Variants in HEPH observed in about 807,000 individuals in gnomAD.
The protein encoded by HEPH is hephaestin.
A neutral mutation model predicts 80.8 loss-of-function variants in HEPH; 69 were observed. That is an observed-to-expected ratio of 0.85 (90% CI 0.70 to 1.04). HEPH has a LOEUF of 1.04. HEPH is among the 50% of genes least tolerant of loss of function. The pLI is 0.00. For synonymous variants in HEPH, 431 were observed against 322.8 expected, an observed-to-expected ratio of 1.34 and a Z score of -3.60; for missense variants, 1,115 against 891.3, an observed-to-expected ratio of 1.25 and a Z score of -3.20.
chrX:66,173,229 T>C (rs973468109), intron 3 of HEPH, among the ~76,000 whole-genome samples: 2 of 112,117 alleles, frequency 1.8e-5, no homozygotes, highest in African/African-American at 3.3e-5. Flanking sequence ...TGTGATTGCC[T>C]GCTTTTTTAT....
At chrX:66,181,772 C>T (rs1438223268) in intron 4 of HEPH, among the ~76,000 whole-genome samples, 1 of 65,610 alleles carries the variant, frequency 1.5e-5, no homozygotes, top group African/African-American at 5.8e-5. Flanking sequence ...GAAGTCCTTG[C>T]CCACGCCTAT....
At chrX:66,230,641 A>G (rs1202469609) in intron 15 of HEPH, among the ~76,000 whole-genome samples, 4 of 97,641 alleles carry the variant, frequency 4.1e-5, no homozygotes, top group African/African-American at 1.6e-4. Flanking sequence ...TTTTCTTGTA[A>G]ATTTGTTTGA....
In HEPH at chrX:66,260,221, A is replaced by T; in HGVS notation, c.3158A>T (p.His1053Leu). ...CACTGCCATGTGACTGACCATGTCC[A>T]TGCTGGCATGGAGACCCTCTTCACT... ...LMHCHVTDHV[H>L]AGMETLFTVF... Residue 1053 changes from histidine (H) to leucine (L), a missense_variant, in exon 19 of 21, where the codon CAT (histidine) becomes CTT (leucine). Physicochemically the swap from His to Leu is moderately conservative, Grantham distance 99. Around this residue, in one of 3 missense-constraint regions of HEPH, gnomAD observed 716 missense variants for 523.5 expected, o/e 1.37. Coordinates refer to ENST00000343002, the MANE Select transcript of HEPH (RefSeq NM_001367233.3). 8.3e-7 allele frequency: 1 copy of T among 1,209,374 alleles called. No homozygotes were observed. The highest frequency in any genetic ancestry group is 1.1e-6 in the Non-Finnish European group (1 of 893,930).
intron 15 of HEPH, among the ~76,000 whole-genome samples, chrX:66,217,969 G>A (rs909198518): frequency 9.0e-6 from 1 of 111,320 alleles, no homozygotes; most frequent in Non-Finnish European, 1.9e-5. Flanking sequence ...ATAATAAAAG[G>A]ACTAATGCAA....
At chrX:66,226,953 A>G (rs1255591181) in intron 15 of HEPH, among the ~76,000 whole-genome samples, 3 of 111,663 alleles carry the variant, frequency 2.7e-5, no homozygotes, top group African/African-American at 9.8e-5. Flanking sequence ...TGTCACCCTA[A>G]TACCAAAACC....
At chrX:66,228,944 G>C (rs900801943) in intron 15 of HEPH, among the ~76,000 whole-genome samples, 1 of 112,400 alleles carries the variant, frequency 8.9e-6, no homozygotes, top group Admixed American at 9.4e-5. Flanking sequence ...ATGTAAACTA[G>C]TACAGCCTCT....
intron 15 of HEPH, among the ~76,000 whole-genome samples, chrX:66,251,306 T>C (rs1175074362): frequency 2.7e-5 from 3 of 112,424 alleles, no homozygotes; most frequent in African/African-American, 9.7e-5. Context: ...TGAACCATTT[T>C]ACATTCCCAT....
At chrX:66,209,454 C>A (rs1220772743) in intron 15 of HEPH, among the ~76,000 whole-genome samples, 1 of 111,648 alleles carries the variant, frequency 9.0e-6, no homozygotes. Context: ...TCAGAAACTA[C>A]ACTTTGGAAA....
intron 2 of HEPH, 107 bp downstream of exon 2, chrX:66,170,844 C>T (rs960516803): frequency 1.1e-5 from 7 of 651,526 alleles, no homozygotes; most frequent in Middle Eastern, 3.4e-4. Context: ...GCAGCCAGCT[C>T]CTGATTGCTC....
At position 66,170,607 on chromosome X, in the gene HEPH, ATGCAGTCCT is replaced by A; in HGVS notation, c.40_48del (p.Gln14_Leu16del). The A allele has an allele frequency of 8.3e-7, 1 of 1,210,730 alleles. No homozygotes were observed. The highest frequency in any genetic ancestry group is 1.1e-6 in the Non-Finnish European group (1 of 895,006). Reference sequence around the variant, plus strand: ...CCACCTCCTCTGGGCTCTGCTGTTCATGCAGTCCTTGTGGCCTCAACTGACTGATGGAGC... The same window carrying A: ...CCACCTCCTCTGGGCTCTGCTGTTCATGTGGCCTCAACTGACTGATGGAGC... On this transcript the variant is annotated inframe_deletion, in exon 2 of 21. Coordinates refer to ENST00000343002, the MANE Select transcript of HEPH (RefSeq NM_001367233.3).
chrX:66,179,124 A>T (rs2147582299), intron 4 of HEPH, among the ~76,000 whole-genome samples: 1 of 112,104 alleles, frequency 8.9e-6, no homozygotes, highest in African/African-American at 3.2e-5. Flanking sequence ...ATTTTTGTAT[A>T]AGGTGTAAGG....
chrX:66,266,093 A>T (rs1346800707), intron 20 of HEPH, among the ~76,000 whole-genome samples: 1 of 109,566 alleles, frequency 9.1e-6, no homozygotes, highest in Non-Finnish European at 1.9e-5. Context: ...CTCCAATTCT[A>T]CCCTCTGAAG....
At chrX:66,187,653 G>A (rs1041022508) in intron 4 of HEPH, among the ~76,000 whole-genome samples, 8 of 110,615 alleles carry the variant, frequency 7.2e-5, no homozygotes, top group African/African-American at 3.3e-5. Context: ...GGTGTCTCCC[G>A]GGTCCTGCAG....
At chrX:66,198,679 T>C (rs910146715) in intron 10 of HEPH, among the ~76,000 whole-genome samples, 199 bp from the exon 11 acceptor site, 24 of 111,322 alleles carry the variant, frequency 2.2e-4, no homozygotes, top group African/African-American at 7.5e-4. Flanking sequence ...GCTTGTACTT[T>C]TATTGTGACA....
At chrX:66,263,557 C>T in intron 19 of HEPH, 87 bp from the exon 20 acceptor site, 1 of 1,019,970 alleles carries the variant, frequency 9.8e-7, no homozygotes, top group South Asian at 2.0e-5. Flanking sequence ...GAAATTTCTG[C>T]AACCAATGTT....
chrX:66,256,438 C>T (rs1360995172), intron 17 of HEPH, 108 bp downstream of exon 17: 14 of 537,122 alleles, frequency 2.6e-5, no homozygotes, highest in East Asian at 7.2e-5. Flanking sequence ...AGAGAGGACA[C>T]GAACATGGGA....
chrX:66,215,893 G>A (rs1461224358), intron 15 of HEPH, among the ~76,000 whole-genome samples: 2 of 111,907 alleles, frequency 1.8e-5, no homozygotes, highest in African/African-American at 3.3e-5. Context: ...AGTGCTGTTG[G>A]GGAGGCATGG....
intron 15 of HEPH, among the ~76,000 whole-genome samples, chrX:66,243,097 A>G (rs999024404): frequency 3.6e-5 from 4 of 111,934 alleles, no homozygotes; most frequent in Non-Finnish European, 7.5e-5. Flanking sequence ...GATAGCATGA[A>G]CAGTGTATTG....
In HEPH at chrX:66,265,675, A is replaced by T. The variant is rs181167627; in HGVS notation, c.3245-765A>T. Among the ~76,000 whole-genome samples the T allele has an allele frequency of 4.4e-4, 49 of 111,893 alleles. No individual in the cohort carries two copies. The Admixed American group carries it at 4.6e-3, about 10-fold the overall frequency. On this transcript the variant is annotated intron_variant, in intron 20 of 20. Transcript: ENST00000343002. ...TAAAATTTAAGGTAGGGCTAGAAAG[A>T]TAAGGAGTAAAGTGTGTTCAGACAA...
Sources: gnomAD v4.1 joint callset for allele counts (sites outside exome capture counted in the v4.1 genomes callset) on GRCh38, gnomAD v4.1.1 for gene constraint, gnomAD v4.1.1 regional missense constraint, MANE v1.5 for transcripts, NCBI Gene and HGNC (gene_info 2026-07-23, HGNC 2026-07-21) for gene names.